PPP2R2C: variants seen among roughly 807,000 people sequenced by gnomAD.
PPP2R2C encodes the protein protein phosphatase 2, regulatory subunit B, gamma.
PPP2R2C carries 10 observed loss-of-function variants against 45.3 expected under a neutral mutation model. The ratio of observed to expected loss-of-function variants is 0.22; its 90% CI spans 0.14 to 0.37. The LOEUF (loss-of-function observed/expected upper bound fraction) is 0.37, where lower values mean the gene tolerates loss of function less well. PPP2R2C is among the 10% of genes least tolerant of loss of function. The probability of loss-of-function intolerance (pLI) is 1.00; values close to 1 mark genes in which losing one functional copy is unlikely to be tolerated. For missense variants in PPP2R2C, 308 were observed against 619.7 expected (o/e 0.50, Z 5.34); for synonymous variants, 257 against 245.4 (o/e 1.05, Z -0.44).
intron 1 of PPP2R2C, chr4:6,381,556 A>G (rs1024543337): frequency 7.1e-6 from 10 of 1,412,444 alleles, no homozygotes; most frequent in Non-Finnish European, 8.3e-6. Context: ...CTAGGGGCCC[A>G]CTCAGGGCTT....
chr4:6,453,873 C>T (rs797007954), intron 1 of PPP2R2C, among the ~76,000 whole-genome samples: 27 of 152,276 alleles, frequency 1.8e-4, no homozygotes, highest in African/African-American at 6.0e-4. Context: ...TGGAGGCAGA[C>T]GGCCAGAGGG....
intron 3 of PPP2R2C, among the ~76,000 whole-genome samples, chr4:6,377,755 C>A (rs368186201): frequency 6.6e-6 from 1 of 152,064 alleles, no homozygotes; most frequent in African/African-American, 2.4e-5. Flanking sequence ...GGGCAGGGGG[C>A]GTGAGTGGGG....
At chr4:6,525,272 G>T (rs1028726878) in intron 2 of PPP2R2C, among the ~76,000 whole-genome samples, 1 of 152,058 alleles carries the variant, frequency 6.6e-6, no homozygotes, top group African/African-American at 2.4e-5. Context: ...GGGCATGGTG[G>T]CATGTGCCTG....
chr4:6,490,064 C>T (rs1722649551), intron 2 of PPP2R2C, among the ~76,000 whole-genome samples: 1 of 152,162 alleles, frequency 6.6e-6, no homozygotes, highest in Non-Finnish European at 1.5e-5. Context: ...ATCAATAATT[C>T]ACAGCACTTG....
intron 6 of PPP2R2C, among the ~76,000 whole-genome samples, chr4:6,340,981 G>A (rs1005239308): frequency 3.9e-5 from 6 of 152,238 alleles, no homozygotes; most frequent in Admixed American, 2.6e-4. Flanking sequence ...GGCTGAGGCT[G>A]GTCTTTCTGC....
At chr4:6,417,284 T>A (rs1718654699) in intron 1 of PPP2R2C, among the ~76,000 whole-genome samples, 1 of 152,150 alleles carries the variant, frequency 6.6e-6, no homozygotes, top group Non-Finnish European at 1.5e-5. Flanking sequence ...AGTGTAGCCA[T>A]CACCAGGCCC....
chr4:6,509,420 G>A (rs28442878), intron 2 of PPP2R2C, among the ~76,000 whole-genome samples: 11,272 of 151,632 alleles, frequency 0.074, 750 homozygotes, highest in African/African-American at 0.19. Flanking sequence ...AAAAAAAGTC[G>A]AAATGTTATT....
At chr4:6,333,268 C>T (rs1416809301) in intron 7 of PPP2R2C, among the ~76,000 whole-genome samples, 1 of 152,226 alleles carries the variant, frequency 6.6e-6, no homozygotes, top group African/African-American at 2.4e-5. Context: ...GGGGCCCAGC[C>T]TGACGCTCAT....
At chr4:6,453,904 C>G (rs920544128) in intron 1 of PPP2R2C, among the ~76,000 whole-genome samples, 1 of 152,210 alleles carries the variant, frequency 6.6e-6, no homozygotes, top group South Asian at 2.1e-4. Flanking sequence ...GCTGCACCCC[C>G]ACCCGGCCCT....
At chr4:6,389,476 G>A (rs1305439706) in intron 1 of PPP2R2C, among the ~76,000 whole-genome samples, 3 of 152,214 alleles carry the variant, frequency 2.0e-5, no homozygotes, top group Non-Finnish European at 4.4e-5. Flanking sequence ...ATGGAGGTGG[G>A]CGAGGAAGGA....
chr4:6,346,841 T>G (rs1401941999), intron 6 of PPP2R2C, among the ~76,000 whole-genome samples: 1 of 152,204 alleles, frequency 6.6e-6, no homozygotes, highest in Non-Finnish European at 1.5e-5. Flanking sequence ...GCACCCAGGC[T>G]TCAGTCAGGG....
intron 2 of PPP2R2C, chr4:6,535,196 G>A (rs539885504): frequency 2.6e-5 from 38 of 1,460,194 alleles, no homozygotes; most frequent in African/African-American, 9.8e-5. Flanking sequence ...GCGCTGTGTC[G>A]GGCGCCTGTG....
chr4:6,456,043 C>G (rs772014228), intron 1 of PPP2R2C, among the ~76,000 whole-genome samples: 3 of 152,178 alleles, frequency 2.0e-5, no homozygotes, highest in Non-Finnish European at 4.4e-5. Context: ...ACCCCACCCA[C>G]ACACCTGTTA....
chr4:6,420,372 C>G (rs1718886119), intron 1 of PPP2R2C, among the ~76,000 whole-genome samples: 1 of 151,002 alleles, frequency 6.6e-6, no homozygotes, highest in Admixed American at 6.6e-5. Flanking sequence ...CCCCACCTGT[C>G]CCGTTCTATC....
chr4:6,425,991 G>A (rs1273141522), intron 1 of PPP2R2C, among the ~76,000 whole-genome samples: 1 of 152,126 alleles, frequency 6.6e-6, no homozygotes, highest in Non-Finnish European at 1.5e-5. Flanking sequence ...GGGCAGGGGC[G>A]GGATGAGCCT....
intron 2 of PPP2R2C, among the ~76,000 whole-genome samples, chr4:6,483,140 TA>T (rs1447860176): frequency 5.7e-5 from 3 of 52,792 alleles, no homozygotes; most frequent in African/African-American, 2.0e-4. Context: ...GATAGATAGA[TA>T]GATTGATTGA....
intron 1 of PPP2R2C, among the ~76,000 whole-genome samples, chr4:6,408,873 C>CT (rs57209185): frequency 0.29 from 36,931 of 126,452 alleles, 7,147 homozygotes; most frequent in African/African-American, 0.5. Context: ...GATCCTGTGG[C>CT]TTTTTTTTTT....
intron 2 of PPP2R2C, among the ~76,000 whole-genome samples, chr4:6,512,878 G>A (rs1327783408): frequency 6.6e-6 from 1 of 151,940 alleles, no homozygotes; most frequent in South Asian, 2.1e-4. Context: ...AAAAGCAAAT[G>A]GTTCATCTTA....
At chr4:6,542,201 C>T (rs538766378) in intron 1 of PPP2R2C, among the ~76,000 whole-genome samples, 1 of 152,290 alleles carries the variant, frequency 6.6e-6, no homozygotes, top group East Asian at 1.9e-4. Flanking sequence ...CAACAATAAC[C>T]CCTGGAGATC....
Sources: gnomAD v4.1 joint callset for allele counts (sites outside exome capture counted in the v4.1 genomes callset) on GRCh38, gnomAD v4.1.1 for gene constraint, MANE v1.5 for transcripts, NCBI Gene and HGNC (gene_info 2026-07-23, HGNC 2026-07-21) for gene names.